The following COL5A2 variants were observed in gnomAD, a reference collection of about 807,000 sequenced individuals.
COL5A2 encodes the protein collagen type V alpha 2 chain.
Under a neutral mutation model 208.2 loss-of-function variants are expected in COL5A2, and 23 were observed. The ratio of observed to expected loss-of-function variants is 0.11; its 90% CI spans 0.08 to 0.16. The LOEUF (loss-of-function observed/expected upper bound fraction) is 0.16, where lower values mean the gene tolerates loss of function less well. COL5A2 is among the 10% of genes least tolerant of loss of function. The pLI is 1.00. For synonymous variants in COL5A2, 625 were observed against 628.5 expected (o/e 0.99, Z 0.08); for missense variants, 1,590 against 1,956.4 (o/e 0.81, Z 3.53).
the COL5A2 span, among the ~76,000 whole-genome samples, chr2:189,385,821 G>A: frequency 1.3e-5 from 2 of 152,008 alleles, no homozygotes; most frequent in Non-Finnish European, 2.9e-5. Context: ...AAATAAAGCT[G>A]CACAATAAGT....
chr2:189,324,157 A>C, the COL5A2 span, among the ~76,000 whole-genome samples: 1 of 152,242 alleles, frequency 6.6e-6, no homozygotes, highest in Non-Finnish European at 1.5e-5. Flanking sequence ...CTTACACCTT[A>C]TACAAAAATT....
Position 189,083,835 on chromosome 2 carries a change from T to C in COL5A2, c.852+149A>G, listed in dbSNP as rs79955466. On this transcript the variant is annotated intron_variant, in intron 12 of 53. Transcript: ENST00000374866. ...AGTTAACAATCACTCTGGCAAAACGTCCTGTGACATTTTACATTTTTACGG... is the reference window on the plus strand; with the variant it reads ...AGTTAACAATCACTCTGGCAAAACGCCCTGTGACATTTTACATTTTTACGG... The C allele has an allele frequency of 1.9e-3, 1,242 of 668,710 alleles. 32 individuals are homozygous for C. In the East Asian group the frequency reaches 0.033, roughly 18 times the overall value. 41.4% of individuals were successfully genotyped at this position (668,710 alleles called of 1,614,324 possible). A position where few individuals can be genotyped will look rare whatever the true frequency, so the allele number is the denominator to read the frequency against.
chr2:189,075,206 T>C (rs535490615), intron 17 of COL5A2, among the ~76,000 whole-genome samples, 187 bp downstream of exon 17: 20 of 152,348 alleles, frequency 1.3e-4, no homozygotes, highest in Non-Finnish European at 2.4e-4. Flanking sequence ...TTAACAATTA[T>C]GTTATACAAC....
chr2:189,034,268 A>G (rs753286158), intron 53 of COL5A2, 52 bp from the exon 54 acceptor site: 6 of 1,600,764 alleles, frequency 3.7e-6, no homozygotes, highest in Middle Eastern at 3.3e-4. Context: ...TTTTCCAAGT[A>G]TGTTAGACAG....
At chr2:189,418,647 G>A in the COL5A2 span, among the ~76,000 whole-genome samples, 1 of 152,164 alleles carries the variant, frequency 6.6e-6, no homozygotes, top group South Asian at 2.1e-4. Context: ...CAATAGTTCA[G>A]AGCCAGTATT....
At chr2:189,102,290 C>T (rs145552285) in intron 3 of COL5A2, among the ~76,000 whole-genome samples, 6 of 152,036 alleles carry the variant, frequency 3.9e-5, no homozygotes, top group Admixed American at 6.6e-5. Context: ...GAATAGAACT[C>T]TCTGATACCT....
At chr2:189,074,441 C>A (rs563895258) in intron 17 of COL5A2, among the ~76,000 whole-genome samples, 3 of 152,098 alleles carry the variant, frequency 2.0e-5, no homozygotes, top group Admixed American at 1.3e-4. Flanking sequence ...CAAAAAAGCA[C>A]AATGTACAAA....
At chr2:189,427,264 C>T in the COL5A2 span, among the ~76,000 whole-genome samples, 96 of 152,328 alleles carry the variant, frequency 6.3e-4, no homozygotes, top group African/African-American at 2.3e-3. Context: ...CTTCAGAGAG[C>T]GCAAGCTGTA....
chr2:189,126,402 T>C (rs1576543485), intron 1 of COL5A2, among the ~76,000 whole-genome samples: 1 of 152,182 alleles, frequency 6.6e-6, no homozygotes, highest in Non-Finnish European at 1.5e-5. Flanking sequence ...CAAAAGAAAT[T>C]ATTTCTTTTT....
At chr2:189,118,038 C>A (rs1373804570) in intron 1 of COL5A2, among the ~76,000 whole-genome samples, 2 of 151,892 alleles carry the variant, frequency 1.3e-5, no homozygotes, top group Non-Finnish European at 2.9e-5. Context: ...TATCTAAAGT[C>A]AATTGTTAAG....
chr2:189,251,483 AC>A, the COL5A2 span, among the ~76,000 whole-genome samples: 1 of 152,120 alleles, frequency 6.6e-6, no homozygotes, highest in Non-Finnish European at 1.5e-5. Context: ...CTTCTAAAGA[AC>A]CATCGTGATG....
the COL5A2 span, among the ~76,000 whole-genome samples, chr2:189,339,273 C>T: frequency 4.6e-5 from 7 of 151,618 alleles, no homozygotes; most frequent in African/African-American, 1.2e-4. Context: ...ATTGCTTGAA[C>T]CTTGGAAGCG....
intron 1 of COL5A2, among the ~76,000 whole-genome samples, chr2:189,207,535 C>A (rs1689156865): frequency 6.6e-6 from 1 of 152,110 alleles, no homozygotes; most frequent in Admixed American, 6.5e-5. Context: ...CTAAGGTTTG[C>A]AAAGATCAAT....
the COL5A2 span, among the ~76,000 whole-genome samples, chr2:189,412,746 T>C: frequency 2.0e-5 from 3 of 152,220 alleles, no homozygotes; most frequent in Non-Finnish European, 4.4e-5. Context: ...GCCAACAATG[T>C]AGGAAGCATT....
chr2:189,139,297 T>G (rs1687888784), intron 1 of COL5A2, among the ~76,000 whole-genome samples: 1 of 152,068 alleles, frequency 6.6e-6, no homozygotes, highest in Admixed American at 6.6e-5. Flanking sequence ...AATTAATTAA[T>G]TATTAAAGTT....
the COL5A2 span, among the ~76,000 whole-genome samples, chr2:189,276,569 C>T: frequency 6.6e-6 from 1 of 151,958 alleles, no homozygotes; most frequent in Non-Finnish European, 1.5e-5. Flanking sequence ...AATTATTGTC[C>T]GATTGCCACA....
chr2:189,390,252 T>C, the COL5A2 span, among the ~76,000 whole-genome samples: 3 of 152,126 alleles, frequency 2.0e-5, no homozygotes, highest in Non-Finnish European at 4.4e-5. Flanking sequence ...TATGCCCAGA[T>C]GGTTTGGTCC....
At chr2:189,285,071 GGTGTGTGTGTGT>G in the COL5A2 span, among the ~76,000 whole-genome samples, 2 of 139,698 alleles carry the variant, frequency 1.4e-5, no homozygotes, top group African/African-American at 2.6e-5. Flanking sequence ...GCATGCACAT[GGTGTGTGTGTGT>G]GTGTGTGTGT....
At chr2:189,316,622 G>A in the COL5A2 span, among the ~76,000 whole-genome samples, 1 of 151,924 alleles carries the variant, frequency 6.6e-6, no homozygotes, top group Non-Finnish European at 1.5e-5. Context: ...AGAGAATGAG[G>A]AAAAATAATG....
Sources: allele counts gnomAD v4.1 joint callset (sites outside exome capture counted in the v4.1 genomes callset), GRCh38; gene constraint gnomAD v4.1.1; transcripts MANE v1.5; gene names NCBI Gene and HGNC (gene_info 2026-07-23, HGNC 2026-07-21).